CDH20: variants seen among roughly 807,000 people sequenced by gnomAD.
CDH20 encodes the protein cadherin 20, also known as cadherin-20.
Under a neutral mutation model 74.2 loss-of-function variants are expected in CDH20, and 29 were observed. The ratio of observed to expected loss-of-function variants is 0.39; its 90% CI spans 0.29 to 0.53. CDH20 has a LOEUF of 0.53. Ranked by LOEUF, CDH20 falls within the 20% of genes least tolerant of loss-of-function variation. The pLI, the probability that CDH20 is intolerant of heterozygous loss-of-function variation, is 0.69. For missense variants in CDH20, 988 were observed against 1,048.3 expected, an observed-to-expected ratio of 0.94 and a Z score of 0.79; for synonymous variants, 469 against 405.4, an observed-to-expected ratio of 1.16 and a Z score of -1.88.
rs138447266 is a variant in CDH20, at chr18:61,404,964, A to C, written c.-153+71137A>C. 1.1e-4 allele frequency: 81 copies of C among 711,432 alleles called. No homozygotes were observed. In the African/African-American group the frequency reaches 1.3e-3, roughly 11 times the overall value. 44.1% of individuals were successfully genotyped at this position (711,432 alleles called of 1,614,324 possible). A position where few individuals can be genotyped will look rare whatever the true frequency, so the allele number is the denominator to read the frequency against. On this transcript the variant is annotated intron_variant, in intron 1 of 11. Coordinates refer to ENST00000262717, the MANE Select transcript of CDH20 (RefSeq NM_031891.4). ...GTAGTATTTTCCTCATGCTGCGCCC[A>C]GTTCAATATTATTGCCACTGTAGTG...
At chr18:61,502,509 C>T (rs1485430558) in intron 4 of CDH20, among the ~76,000 whole-genome samples, 1 of 152,170 alleles carries the variant, frequency 6.6e-6, no homozygotes, top group Non-Finnish European at 1.5e-5. Flanking sequence ...GAGCCATTCA[C>T]ACTACAAGGG....
Position 61,499,235 on chromosome 18 carries a change from C to A in CDH20, c.296C>A (p.Ser99Ter), listed in dbSNP as rs372359014. The change falls in exon 3 of 12, where the codon TCG becomes TAG. Residue 99 changes from serine to a stop codon, truncating the protein, a stop_gained. Transcript: ENST00000262717. LOFTEE classifies it high-confidence loss of function. Reference protein sequence around the residue: ...RGDGSIKYILSGEGAGIVFTI... With the variant: ...RGDGSIKYIL ...GACGGATCCATCAAATACATCCTCT[C>A]GGGAGAAGGTGCTGGCATCGTGTTT... 1 of 1,611,154 alleles carries A rather than the reference C, an allele frequency of 6.2e-7. No homozygotes were observed. Among genetic ancestry groups the A allele is most frequent in the Non-Finnish European group, 8.5e-7 (1 of 1,178,176 alleles).
chr18:61,470,909 A>T (rs1910151253), intron 1 of CDH20, among the ~76,000 whole-genome samples: 1 of 151,920 alleles, frequency 6.6e-6, no homozygotes, highest in Admixed American at 6.6e-5. Flanking sequence ...CTCTCCCTCC[A>T]CTAAGCCACA....
chr18:61,350,955 C>T (rs1910284798), intron 1 of CDH20, among the ~76,000 whole-genome samples: 1 of 152,124 alleles, frequency 6.6e-6, no homozygotes, highest in Non-Finnish European at 1.5e-5. Flanking sequence ...TTCCTGTGTG[C>T]CCAGGAAGAG....
intron 1 of CDH20, among the ~76,000 whole-genome samples, chr18:61,367,253 G>T (rs757615920): frequency 1.3e-5 from 2 of 152,106 alleles, no homozygotes; most frequent in Non-Finnish European, 2.9e-5. Context: ...ACGGGAAAAT[G>T]AGTAAGAGCC....
chr18:61,512,438 T>C (rs549283999), intron 6 of CDH20, among the ~76,000 whole-genome samples: 1 of 152,334 alleles, frequency 6.6e-6, no homozygotes, highest in East Asian at 1.9e-4. Flanking sequence ...TCATGAATTA[T>C]AAATCTCATC....
At chr18:61,488,171 A>G (rs1410994649) in intron 1 of CDH20, among the ~76,000 whole-genome samples, 1 of 152,118 alleles carries the variant, frequency 6.6e-6, no homozygotes, top group East Asian at 1.9e-4. Context: ...TTACTATTGA[A>G]GAGTTTTCTA....
At chr18:61,528,360 T>G (rs977548338) in intron 7 of CDH20, 140 bp downstream of exon 7, 3 of 332,378 alleles carry the variant, frequency 9.0e-6, no homozygotes, top group African/African-American at 2.9e-5. Flanking sequence ...TTTTGTGTTG[T>G]TTTTTTTTTT....
chr18:61,424,595 C>G (rs898971071), intron 1 of CDH20, among the ~76,000 whole-genome samples: 1 of 152,144 alleles, frequency 6.6e-6, no homozygotes, highest in African/African-American at 2.4e-5. Flanking sequence ...TTTGTATGTA[C>G]TAATTTTATT....
At chr18:61,541,267 AT>A (rs974947799) in intron 9 of CDH20, among the ~76,000 whole-genome samples, 1 of 151,422 alleles carries the variant, frequency 6.6e-6, no homozygotes, top group African/African-American at 2.4e-5. Flanking sequence ...TATTTTAATA[AT>A]TTTTGTTTTA....
intron 1 of CDH20, among the ~76,000 whole-genome samples, chr18:61,419,418 T>C (rs1912801268): frequency 6.6e-6 from 1 of 152,234 alleles, no homozygotes; most frequent in African/African-American, 2.4e-5. Context: ...TATGTACCTT[T>C]GTGTATATTC....
intron 1 of CDH20, among the ~76,000 whole-genome samples, chr18:61,430,459 G>A (rs924369547): frequency 2.0e-5 from 3 of 152,054 alleles, no homozygotes; most frequent in African/African-American, 7.3e-5. Flanking sequence ...GTGTTGTCCG[G>A]TTTCTCCACT....
chr18:61,520,431 T>C (rs1354079843), intron 6 of CDH20, among the ~76,000 whole-genome samples: 1 of 150,904 alleles, frequency 6.6e-6, no homozygotes, highest in Non-Finnish European at 1.5e-5. Flanking sequence ...GCACCCAGAT[T>C]CATAAAGCAA....
chr18:61,368,006 C>T (rs1479987108), intron 1 of CDH20, among the ~76,000 whole-genome samples: 1 of 152,100 alleles, frequency 6.6e-6, no homozygotes, highest in African/African-American at 2.4e-5. Context: ...CTCATTTTAA[C>T]CTGATCACCT....
chr18:61,547,607 C>A (rs1913296745), intron 10 of CDH20, among the ~76,000 whole-genome samples: 1 of 152,034 alleles, frequency 6.6e-6, no homozygotes, highest in Non-Finnish European at 1.5e-5. Flanking sequence ...CTTATTGTCC[C>A]ATCTGATAGA....
intron 1 of CDH20, among the ~76,000 whole-genome samples, chr18:61,476,431 C>A (rs1910388456): frequency 1.3e-5 from 2 of 152,014 alleles, no homozygotes; most frequent in South Asian, 4.2e-4. Context: ...AATCACGTAG[C>A]CAAGATATAT....
chr18:61,354,149 C>T (rs1266750859), intron 1 of CDH20, among the ~76,000 whole-genome samples: 1 of 152,202 alleles, frequency 6.6e-6, no homozygotes, highest in Non-Finnish European at 1.5e-5. Context: ...CTGTTAACTC[C>T]CACACTGGAT....
In CDH20 at chr18:61,503,107, C is replaced by G; in HGVS notation, c.816C>G (p.Pro272=). Residue 272 remains proline, a synonymous_variant, in exon 5 of 12, where the codon CCC becomes CCG. Transcript: ENST00000262717. ...TCTCAGATGTCAATGATAACCCACC[C>G]CGCTTTCCCCAGAGTGAGTACCTAA... ...ITLSDVNDNP[P]RFPQKHYQMS... 6.2e-7 allele frequency: 1 copy of G among 1,608,742 alleles called. No individual in the cohort carries two copies. The highest frequency in any genetic ancestry group is 8.5e-7 in the Non-Finnish European group (1 of 1,177,492).
intron 1 of CDH20, among the ~76,000 whole-genome samples, chr18:61,466,072 A>T (rs921938948): frequency 2.0e-5 from 3 of 147,886 alleles, no homozygotes; most frequent in African/African-American, 7.7e-5. Context: ...AAATATATAT[A>T]TTTTCTCATT....
Sources: gnomAD v4.1 joint callset for allele counts (sites outside exome capture counted in the v4.1 genomes callset) on GRCh38, gnomAD v4.1.1 for gene constraint, MANE v1.5 for transcripts, NCBI Gene and HGNC (gene_info 2026-07-23, HGNC 2026-07-21) for gene names.